ABCG2: variants seen among roughly 807,000 people sequenced by gnomAD.
ABCG2 encodes the protein broad substrate specificity ATP-binding cassette transporter ABCG2.
ABCG2 carries 80 observed loss-of-function variants against 73.5 expected under a neutral mutation model. That is an observed-to-expected ratio of 1.09 (90% confidence interval 0.91 to 1.31). The LOEUF is 1.31. Ranked by LOEUF, ABCG2 falls within the 50% of genes most tolerant of loss-of-function variation. ABCG2 has a pLI of 0.00. For missense variants in ABCG2, 796 were observed against 786.2 expected (o/e 1.01, Z -0.15); for synonymous variants, 269 against 282.4 (o/e 0.95, Z 0.48).
In ABCG2 at chr4:88,113,408, G is replaced by C. The variant is rs1013243715; in HGVS notation, c.1089C>G (p.Val363=). 1.2e-6 allele frequency: 2 copies of C among 1,614,014 alleles called. No individual in the cohort carries two copies. The highest frequency in any genetic ancestry group is 2.7e-5 in the African/African-American group (2 of 74,902). The part of the protein sequence containing the change: ...SGGEKKKKIT[V]FKEISYTTSF... ...AGGTGGTGTAGCTGATCTCCTTGAA[G>C]ACTGTGATCTTCTTCTTCTTCTCAC... Residue 363 remains valine (V), a synonymous_variant, in exon 9 of 16, where the codon GTC becomes GTG. Transcript: ENST00000237612.
At chr4:88,180,377 G>A (rs948475523) in intron 1 of ABCG2, among the ~76,000 whole-genome samples, 1 of 152,126 alleles carries the variant, frequency 6.6e-6, no homozygotes, top group Non-Finnish European at 1.5e-5. Context: ...AACAAAAACT[G>A]AGGAATTTTA....
chr4:88,135,472 T>C (rs1725173431), intron 2 of ABCG2, among the ~76,000 whole-genome samples: 1 of 152,220 alleles, frequency 6.6e-6, no homozygotes, highest in African/African-American at 2.4e-5. Context: ...GGTCTTGTTT[T>C]GTTTATGGAC....
chr4:88,112,022 G>C (rs1723166474), intron 9 of ABCG2, among the ~76,000 whole-genome samples: 1 of 151,896 alleles, frequency 6.6e-6, no homozygotes, highest in African/African-American at 2.4e-5. Flanking sequence ...AGAGTTTGGG[G>C]TTGCAGTGAG....
chr4:88,198,557 C>T (rs1017112891), intron 1 of ABCG2, among the ~76,000 whole-genome samples: 3 of 151,952 alleles, frequency 2.0e-5, no homozygotes, highest in Non-Finnish European at 4.4e-5. Flanking sequence ...CACTTGAGCC[C>T]AGGAGTTTGA....
intron 1 of ABCG2, among the ~76,000 whole-genome samples, chr4:88,189,520 TATAA>T (rs144119456): frequency 0.083 from 12,285 of 147,882 alleles, 579 homozygotes; most frequent in Middle Eastern, 0.13. Context: ...CATCTAAAAA[TATAA>T]ATAAATAAAT....
intron 9 of ABCG2, among the ~76,000 whole-genome samples, chr4:88,111,489 T>C (rs1250084792): frequency 6.6e-6 from 1 of 152,050 alleles, no homozygotes; most frequent in South Asian, 2.1e-4. Flanking sequence ...ACTAGCAGTA[T>C]GGCTATACAT....
intron 1 of ABCG2, among the ~76,000 whole-genome samples, chr4:88,148,852 C>G (rs1726244222): frequency 6.6e-6 from 1 of 152,152 alleles, no homozygotes; most frequent in Non-Finnish European, 1.5e-5. Context: ...ACAGATCATT[C>G]ATGTTAACCC....
upstream of ABCG2, among the ~76,000 whole-genome samples, chr4:88,159,930 G>A (rs191179470): frequency 5.8e-4 from 89 of 152,230 alleles, 1 homozygote; most frequent in African/African-American, 2.1e-3. Context: ...AGAAATACAT[G>A]TTAGTCATAC....
intron 1 of ABCG2, among the ~76,000 whole-genome samples, chr4:88,146,101 G>A (rs1416200783): frequency 3.3e-5 from 5 of 152,156 alleles, no homozygotes; most frequent in Non-Finnish European, 5.9e-5. Flanking sequence ...GGCTTTGAGA[G>A]GGATGAACTT....
At chr4:88,195,821 T>G (rs189384558) in intron 1 of ABCG2, among the ~76,000 whole-genome samples, 1 of 152,192 alleles carries the variant, frequency 6.6e-6, no homozygotes, top group African/African-American at 2.4e-5. Flanking sequence ...TGGGGCCACA[T>G]GCACAGTGTG....
chr4:88,159,179 C>A, upstream of ABCG2: 1 of 456,332 alleles, frequency 2.2e-6, no homozygotes, highest in Non-Finnish European at 4.4e-6. Flanking sequence ...CGAGAATCAC[C>A]AGGCGCTCAT....
upstream of ABCG2, chr4:88,158,778 G>C: frequency 2.8e-6 from 1 of 357,344 alleles, no homozygotes; most frequent in Admixed American, 3.9e-5. Flanking sequence ...GAGGCGCTGC[G>C]GCTGGAGGTC....
chr4:88,117,461 T>C (rs1348587831), intron 7 of ABCG2, among the ~76,000 whole-genome samples: 1 of 152,022 alleles, frequency 6.6e-6, no homozygotes, highest in Non-Finnish European at 1.5e-5. Context: ...GGTGAAACCC[T>C]GTCTCTACTA....
At chr4:88,147,293 T>C (rs1726125115) in intron 1 of ABCG2, among the ~76,000 whole-genome samples, 1 of 151,988 alleles carries the variant, frequency 6.6e-6, no homozygotes, top group Non-Finnish European at 1.5e-5. Context: ...AGACCCTGTC[T>C]CAAAAAAACG....
chr4:88,192,923 G>A (rs1260935338), intron 1 of ABCG2, among the ~76,000 whole-genome samples: 1 of 151,716 alleles, frequency 6.6e-6, no homozygotes, highest in Non-Finnish European at 1.5e-5. Context: ...ATGTTGGCCA[G>A]GCTGGTCTCA....
chr4:88,097,410 A>G, intron 13 of ABCG2, 43 bp downstream of exon 13: 2 of 1,597,988 alleles, frequency 1.3e-6, no homozygotes, highest in African/African-American at 1.3e-5. Flanking sequence ...GAAATGAAGG[A>G]AAAAAACAAT....
intron 1 of ABCG2, among the ~76,000 whole-genome samples, chr4:88,227,092 C>A (rs1422082433): frequency 6.6e-6 from 1 of 151,908 alleles, no homozygotes; most frequent in African/African-American, 2.4e-5. Context: ...ACAGCAATAC[C>A]CTGTCTAAAA....
intron 1 of ABCG2, among the ~76,000 whole-genome samples, chr4:88,217,661 CAAA>C (rs113985016): frequency 7.0e-6 from 1 of 142,488 alleles, no homozygotes; most frequent in Non-Finnish European, 1.5e-5. Context: ...GACCCTGCCT[CAAA>C]AAAAAAAAAG....
At chr4:88,115,943 C>G (rs951767491) in intron 7 of ABCG2, among the ~76,000 whole-genome samples, 1 of 152,188 alleles carries the variant, frequency 6.6e-6, no homozygotes, top group African/African-American at 2.4e-5. Context: ...ATCTGTAATA[C>G]TAGCACTTCG....
Sources: gnomAD v4.1 joint callset for allele counts (sites outside exome capture counted in the v4.1 genomes callset) on GRCh38, gnomAD v4.1.1 for gene constraint, MANE v1.5 for transcripts, NCBI Gene and HGNC (gene_info 2026-07-23, HGNC 2026-07-21) for gene names.